Variants in FHOD3 observed in about 807,000 individuals in gnomAD.
FHOD3 encodes formin homology 2 domain containing 3.
Under a neutral mutation model 173.0 loss-of-function variants are expected in FHOD3, and 90 were observed. The ratio of observed to expected loss-of-function variants is 0.52; its 90% CI spans 0.44 to 0.62. The LOEUF is 0.62. FHOD3 is among the 20% of genes least tolerant of loss of function. FHOD3 has a pLI of 0.00. For synonymous variants in FHOD3, 828 were observed against 823.0 expected (o/e 1.01, Z -0.10); for missense variants, 1,945 against 2,034.7 (o/e 0.96, Z 0.85).
intron 3 of FHOD3, among the ~76,000 whole-genome samples, chr18:36,410,740 T>C (rs1406539552): frequency 6.6e-6 from 1 of 152,206 alleles, no homozygotes; most frequent in East Asian, 1.9e-4. Flanking sequence ...TGATTTGCAT[T>C]TCCCATGTGG....
chr18:36,632,303 A>G (rs556531885), intron 10 of FHOD3, among the ~76,000 whole-genome samples: 1 of 152,328 alleles, frequency 6.6e-6, no homozygotes, highest in South Asian at 2.1e-4. Flanking sequence ...TTTTATTACT[A>G]CTGAGGCTGT....
chr18:36,697,139 A>G (rs1389611889), intron 17 of FHOD3, among the ~76,000 whole-genome samples: 1 of 152,236 alleles, frequency 6.6e-6, no homozygotes, highest in Non-Finnish European at 1.5e-5. Context: ...AGTAAAGTCA[A>G]GATAGCCAGA....
At chr18:36,404,514 C>T (rs2048970157) in intron 3 of FHOD3, among the ~76,000 whole-genome samples, 1 of 152,164 alleles carries the variant, frequency 6.6e-6, no homozygotes, top group South Asian at 2.1e-4. Context: ...TGGCCTGACC[C>T]CATGCTAGGT....
chr18:36,566,494 G>A (rs937259150), intron 5 of FHOD3, among the ~76,000 whole-genome samples: 1 of 152,192 alleles, frequency 6.6e-6, no homozygotes, highest in African/African-American at 2.4e-5. Flanking sequence ...GGTCTGGGCA[G>A]GAAGCTGAAG....
chr18:36,693,600 T>G (rs2039090800), intron 17 of FHOD3, among the ~76,000 whole-genome samples, 177 bp downstream of exon 17: 1 of 152,158 alleles, frequency 6.6e-6, no homozygotes, highest in Non-Finnish European at 1.5e-5. Context: ...CTAGACGTCT[T>G]CAGAGCCACT....
At chr18:36,396,260 A>G (rs895860623) in intron 3 of FHOD3, among the ~76,000 whole-genome samples, 10 of 152,114 alleles carry the variant, frequency 6.6e-5, no homozygotes, top group Non-Finnish European at 1.3e-4. Flanking sequence ...GGGATCTTTT[A>G]TGTGGTTTCA....
At chr18:36,749,557 AT>A (rs111454589) in intron 24 of FHOD3, among the ~76,000 whole-genome samples, 10 of 152,246 alleles carry the variant, frequency 6.6e-5, no homozygotes, top group African/African-American at 1.9e-4. Context: ...TATGTACCAC[AT>A]TTTTTTATCC....
intron 24 of FHOD3, among the ~76,000 whole-genome samples, chr18:36,747,485 GCT>G (rs1372925112): frequency 6.6e-6 from 1 of 152,230 alleles, no homozygotes; most frequent in African/African-American, 2.4e-5. Context: ...TTTCAAGGCA[GCT>G]CTCTTTGTTA....
In FHOD3 at chr18:36,544,256, C is replaced by T. The variant is rs552476999; in HGVS notation, c.511+31713C>T. On this transcript the variant is annotated intron_variant, in intron 5 of 28. Coordinates refer to ENST00000590592, the MANE Select transcript of FHOD3 (RefSeq NM_001281740.3). The stretch of plus-strand genomic sequence containing the variant: ...AGTGCCGGGAGCTGGTGCCACCTCC[C>T]CACCCGATCTCCCTGAACATGTGTC... 6.3e-4 allele frequency among the ~76,000 whole-genome samples: 96 copies of T among 152,328 alleles called. 1 individual carries two copies. The highest frequency in any genetic ancestry group is 1.2e-3 in the Non-Finnish European group (82 of 68,024).
intron 3 of FHOD3, among the ~76,000 whole-genome samples, chr18:36,495,472 C>T (rs756975717): frequency 2.0e-5 from 3 of 152,174 alleles, no homozygotes; most frequent in African/African-American, 4.8e-5. Context: ...TGCGAACTCA[C>T]GAGAAAAGTT....
At chr18:36,552,480 C>T (rs1460923564) in intron 5 of FHOD3, among the ~76,000 whole-genome samples, 2 of 151,620 alleles carry the variant, frequency 1.3e-5, no homozygotes, top group Non-Finnish European at 1.5e-5. Flanking sequence ...TAATTGAATA[C>T]CCTTTATTTC....
At chr18:36,770,050 A>G (rs533383022) in intron 28 of FHOD3, among the ~76,000 whole-genome samples, 6 of 152,150 alleles carry the variant, frequency 3.9e-5, no homozygotes, top group African/African-American at 1.4e-4. Context: ...TGCCCACCCA[A>G]CTCATGGGTG....
chr18:36,489,238 GGGTT>G (rs2145728026), intron 3 of FHOD3, among the ~76,000 whole-genome samples: 1 of 103,572 alleles, frequency 9.7e-6, no homozygotes, highest in Admixed American at 1.1e-4. Flanking sequence ...GAGAGAGAAT[GGGTT>G]TGTTTGTTTG....
chr18:36,623,646 A>T (rs540108275), intron 9 of FHOD3, among the ~76,000 whole-genome samples: 1 of 152,232 alleles, frequency 6.6e-6, no homozygotes, highest in Non-Finnish European at 1.5e-5. Context: ...CTTGCCTCAA[A>T]CCTCCCAAAA....
At position 36,514,014 on chromosome 18, in the gene FHOD3, CT is replaced by C. The variant is rs58493993; in HGVS notation, c.511+1483del. ...ATTGCTGAATTTTGCTATTTCTATT[CT>C]TTTTTTTTTTTGAGATGGAGTCTTG... On this transcript the variant is annotated intron_variant, in intron 5 of 28. Transcript: ENST00000590592. Among the ~76,000 whole-genome samples the C allele has an allele frequency of 1.5e-3, 152 of 104,550 alleles. 9 individuals are homozygous for C. The highest frequency in any genetic ancestry group is 2.0e-3 in the Admixed American group (19 of 9,356). The allele number at this position is 104,550 out of a possible 152,430, so 68.6% of individuals were successfully genotyped here. A position where few individuals can be genotyped will look rare whatever the true frequency, so the allele number is the denominator to read the frequency against.
rs911464745 is a variant in FHOD3 at position 36,780,208 on chromosome 18, T to C, written c.*678T>C. 2 of 1,231,150 alleles carry C rather than the reference T, an allele frequency of 1.6e-6. No individual in the cohort carries two copies. Among genetic ancestry groups the C allele is most frequent in the African/African-American group, 3.1e-5 (2 of 64,356 alleles). The allele number at this position is 1,231,150 out of a possible 1,614,324, so 76.3% of individuals were successfully genotyped here. On this transcript the variant is annotated 3_prime_UTR_variant, in exon 29 of 29. Transcript: ENST00000590592. Reference sequence around the variant, plus strand: ...TTTGGGCTGTATTTTGTTAATAGAGTGAGTAACATCAACAGTGTGCTCTTT... The same window carrying C: ...TTTGGGCTGTATTTTGTTAATAGAGCGAGTAACATCAACAGTGTGCTCTTT...
chr18:36,529,005 A>G (rs779213608), intron 5 of FHOD3, among the ~76,000 whole-genome samples: 5 of 152,088 alleles, frequency 3.3e-5, no homozygotes, highest in Non-Finnish European at 7.3e-5. Context: ...GAGGATTCTG[A>G]CCCCAAGCAG....
intron 8 of FHOD3, among the ~76,000 whole-genome samples, chr18:36,611,391 G>C (rs2032657654): frequency 6.6e-6 from 1 of 152,150 alleles, no homozygotes; most frequent in East Asian, 1.9e-4. Flanking sequence ...CTGCAGCCGA[G>C]GTGTCGCCCA....
At chr18:36,767,932 G>T (rs987644691) in intron 27 of FHOD3, among the ~76,000 whole-genome samples, 1 of 151,982 alleles carries the variant, frequency 6.6e-6, no homozygotes, top group African/African-American at 2.4e-5. Context: ...TTACCAGCCA[G>T]GTGGTTGTAA....
Sources: allele counts gnomAD v4.1 joint callset (sites outside exome capture counted in the v4.1 genomes callset), GRCh38; gene constraint gnomAD v4.1.1; transcripts MANE v1.5; gene names NCBI Gene and HGNC (gene_info 2026-07-23, HGNC 2026-07-21).